The following GABRA2 variants were observed in gnomAD, a reference collection of about 807,000 sequenced individuals.
The protein encoded by GABRA2 is gamma-aminobutyric acid type A receptor subunit alpha2, also known as gamma-aminobutyric acid receptor subunit alpha-2.
GABRA2 carries 16 observed loss-of-function variants against 48.7 expected under a neutral mutation model. That is an observed-to-expected ratio of 0.33 (90% CI 0.22 to 0.50). The LOEUF (loss-of-function observed/expected upper bound fraction) is 0.50. Among genes scored for constraint, GABRA2 ranks in the 20% least tolerant of loss-of-function variants. The probability of loss-of-function intolerance (pLI) is 0.98; values close to 1 mark genes in which losing one functional copy is unlikely to be tolerated. For synonymous variants in GABRA2, 185 were observed against 184.5 expected (o/e 1.00, Z -0.02); for missense variants, 275 against 535.6 (o/e 0.51, Z 4.80).
chr4:46,314,455 T>C (rs186331855), intron 4 of GABRA2, among the ~76,000 whole-genome samples: 1 of 152,240 alleles, frequency 6.6e-6, no homozygotes. Flanking sequence ...TTTTTGTACA[T>C]TTTAATGATG....
At chr4:46,316,345 A>G (rs1184097636) in intron 4 of GABRA2, among the ~76,000 whole-genome samples, 1 of 152,040 alleles carries the variant, frequency 6.6e-6, no homozygotes, top group Non-Finnish European at 1.5e-5. Flanking sequence ...GGTTAGCATC[A>G]CAACTATCCA....
intron 8 of GABRA2, among the ~76,000 whole-genome samples, chr4:46,265,747 C>A (rs910067241): frequency 6.6e-6 from 1 of 151,446 alleles, no homozygotes; most frequent in African/African-American, 2.4e-5. Flanking sequence ...TGCTATTCTA[C>A]TTTTCAAGGA....
chr4:46,324,277 A>C (rs1729949535), intron 4 of GABRA2, among the ~76,000 whole-genome samples: 1 of 151,984 alleles, frequency 6.6e-6, no homozygotes, highest in Non-Finnish European at 1.5e-5. Context: ...TCTTAAAGTC[A>C]CAATTTCCTG....
At chr4:46,314,692 G>A (rs2109707740) in intron 4 of GABRA2, among the ~76,000 whole-genome samples, 2 of 152,070 alleles carry the variant, frequency 1.3e-5, no homozygotes, top group Middle Eastern at 3.4e-3. Flanking sequence ...ATGTCCATGA[G>A]TACCCAATGT....
chr4:46,345,897 A>AT (rs1379717986), intron 3 of GABRA2, among the ~76,000 whole-genome samples: 3 of 151,976 alleles, frequency 2.0e-5, no homozygotes, highest in Non-Finnish European at 4.4e-5. Context: ...TGTAATTTAG[A>AT]TTTTAACAGT....
intron 3 of GABRA2, among the ~76,000 whole-genome samples, chr4:46,384,893 C>T (rs2109369861): frequency 6.6e-6 from 1 of 152,048 alleles, no homozygotes; most frequent in South Asian, 2.1e-4. Context: ...ATTCTTCCTT[C>T]AGGATACAAT....
intron 4 of GABRA2, among the ~76,000 whole-genome samples, chr4:46,325,686 T>G (rs1479833263): frequency 6.6e-6 from 1 of 152,038 alleles, no homozygotes; most frequent in Non-Finnish European, 1.5e-5. Context: ...CTAGGTTTTC[T>G]TCTAGGATTC....
At chr4:46,260,903 T>C (rs942946167) in intron 9 of GABRA2, 11 of 151,898 alleles carry the variant, frequency 7.2e-5, no homozygotes, top group African/African-American at 2.4e-4. Flanking sequence ...TTTTAAACTA[T>C]AACATTTACT....
intron 8 of GABRA2, among the ~76,000 whole-genome samples, chr4:46,294,746 CT>C (rs201404966): frequency 1.3e-5 from 2 of 151,636 alleles, no homozygotes; most frequent in African/African-American, 2.4e-5. Flanking sequence ...GATAACTACT[CT>C]TTTTTTTTGA....
chr4:46,278,580 G>A (rs1720941204), intron 8 of GABRA2, among the ~76,000 whole-genome samples: 1 of 152,060 alleles, frequency 6.6e-6, no homozygotes, highest in South Asian at 2.1e-4. Flanking sequence ...CATTATTAAG[G>A]ACTTTCTGCC....
intron 9 of GABRA2, among the ~76,000 whole-genome samples, chr4:46,254,086 T>C (rs1715332313): frequency 6.6e-6 from 1 of 151,468 alleles, no homozygotes. Context: ...ACAGATTTGA[T>C]AGTGATAGTC....
intron 4 of GABRA2, among the ~76,000 whole-genome samples, chr4:46,324,040 C>T (rs533057495): frequency 1.3e-4 from 19 of 151,916 alleles, no homozygotes; most frequent in Admixed American, 3.3e-4. Context: ...CCCTCTGTCT[C>T]GCCTCCTCTC....
At chr4:46,374,268 T>C (rs1422424701) in intron 3 of GABRA2, among the ~76,000 whole-genome samples, 1 of 152,120 alleles carries the variant, frequency 6.6e-6, no homozygotes, top group African/African-American at 2.4e-5. Context: ...AAATCTTCCA[T>C]CTCTTTCTAA....
intron 3 of GABRA2, among the ~76,000 whole-genome samples, chr4:46,385,349 T>A (rs1360167703): frequency 6.6e-6 from 1 of 151,816 alleles, no homozygotes; most frequent in African/African-American, 2.4e-5. Context: ...ATGTGATCAT[T>A]AAAATTTAAC....
intron 8 of GABRA2, among the ~76,000 whole-genome samples, chr4:46,271,451 TC>T (rs1465839290): frequency 1.3e-5 from 2 of 151,812 alleles, no homozygotes; most frequent in African/African-American, 4.8e-5. Flanking sequence ...AAATACCCTA[TC>T]CCCCAAATAA....
chr4:46,315,942 T>TACACAC (rs969052829), intron 4 of GABRA2, among the ~76,000 whole-genome samples: 11 of 148,322 alleles, frequency 7.4e-5, no homozygotes, highest in East Asian at 2.0e-4. Flanking sequence ...AGTACATATA[T>TACACAC]ACACACACAC....
intron 9 of GABRA2, chr4:46,261,671 A>T (rs1388106995): frequency 2.6e-5 from 15 of 568,056 alleles, no homozygotes; most frequent in Non-Finnish European, 3.7e-5. Context: ...TATGTGAGAG[A>T]GCATATGTAA....
At chr4:46,257,692 G>T (rs1007165396) in intron 9 of GABRA2, among the ~76,000 whole-genome samples, 2 of 151,704 alleles carry the variant, frequency 1.3e-5, no homozygotes, top group Non-Finnish European at 2.9e-5. Context: ...TTAGTTAAAT[G>T]ATCTGATTTA....
At chr4:46,355,599 C>T (rs1193740957) in intron 3 of GABRA2, among the ~76,000 whole-genome samples, 2 of 152,112 alleles carry the variant, frequency 1.3e-5, no homozygotes, top group Non-Finnish European at 2.9e-5. Context: ...TTCACTTTAG[C>T]ACTTCCTGCA....
Sources: gnomAD v4.1 joint callset for allele counts (sites outside exome capture counted in the v4.1 genomes callset) on GRCh38, gnomAD v4.1.1 for gene constraint, MANE v1.5 for transcripts, NCBI Gene and HGNC (gene_info 2026-07-23, HGNC 2026-07-21) for gene names.